TFB1M: variants seen among roughly 807,000 people sequenced by gnomAD.
The protein encoded by TFB1M is dimethyladenosine transferase 1, mitochondrial.
Under a neutral mutation model 31.1 loss-of-function variants are expected in TFB1M, and 27 were observed. The ratio of observed to expected loss-of-function variants is 0.87; its 90% CI spans 0.64 to 1.20. The LOEUF (loss-of-function observed/expected upper bound fraction) is 1.20. TFB1M is among the 50% of genes most tolerant of loss of function. The pLI is 0.00. For synonymous variants in TFB1M, 166 were observed against 151.8 expected, an observed-to-expected ratio of 1.09 and a Z score of -0.69; for missense variants, 394 against 418.7, an observed-to-expected ratio of 0.94 and a Z score of 0.51.
At chr6:155,291,154 G>A (rs1776905929) in intron 4 of TFB1M, among the ~76,000 whole-genome samples, 1 of 152,212 alleles carries the variant, frequency 6.6e-6, no homozygotes, top group African/African-American at 2.4e-5. Context: ...GTCATCTGAA[G>A]TGAGGCGCAG....
downstream of TFB1M, chr6:155,252,091 A>G: frequency 1.9e-6 from 2 of 1,047,052 alleles, no homozygotes; most frequent in Non-Finnish European, 2.8e-6. Flanking sequence ...ACTGAGCACC[A>G]AGGCTGGGCT....
intron 5 of TFB1M, among the ~76,000 whole-genome samples, chr6:155,268,304 G>C (rs1784755287): frequency 6.6e-6 from 1 of 152,090 alleles, no homozygotes; most frequent in Non-Finnish European, 1.5e-5. Context: ...GCCTCTAGTG[G>C]TGGCCTTCAA....
chr6:155,262,356 G>T (rs974787684), intron 5 of TFB1M, among the ~76,000 whole-genome samples: 2 of 152,104 alleles, frequency 1.3e-5, no homozygotes, highest in African/African-American at 4.8e-5. Flanking sequence ...CTCCTGATTT[G>T]TATAGAGAAG....
At chr6:155,276,524 C>A in intron 5 of TFB1M, 2 of 689,644 alleles carry the variant, frequency 2.9e-6, no homozygotes, top group Non-Finnish European at 2.4e-6. Context: ...GTTTAAAATG[C>A]CAATAAAACT....
Position 155,256,404 on chromosome 6 carries a change from T to C in TFB1M, c.*1432A>G. ...TAAAATAAAATCTTAATGTTAAATC[T>C]TACACAAGCTTTGAGGCAAACATTA... On this transcript the variant is annotated 3_prime_UTR_variant, in exon 7 of 7. Coordinates refer to ENST00000367166, the MANE Select transcript of TFB1M (RefSeq NM_016020.4). The C allele has an allele frequency of 1.3e-6, 2 of 1,586,968 alleles. No homozygotes were observed. Among genetic ancestry groups the C allele is most frequent in the South Asian group, 2.3e-5 (2 of 86,270 alleles).
the TFB1M span, among the ~76,000 whole-genome samples, chr6:155,231,431 T>C: frequency 6.6e-6 from 1 of 152,218 alleles, no homozygotes; most frequent in Non-Finnish European, 1.5e-5. Context: ...TTCCCTGGAG[T>C]ATTTAGTGTA....
At chr6:155,300,567 G>A (rs965306198) in intron 2 of TFB1M, among the ~76,000 whole-genome samples, 5 of 151,996 alleles carry the variant, frequency 3.3e-5, no homozygotes, top group African/African-American at 7.2e-5. Flanking sequence ...AAATTAGCAC[G>A]CCAAAAACAA....
chr6:155,272,510 G>A (rs1784972899), intron 5 of TFB1M, among the ~76,000 whole-genome samples: 1 of 151,634 alleles, frequency 6.6e-6, no homozygotes, highest in African/African-American at 2.4e-5. Context: ...TGCCTTCACA[G>A]TATTTCTCTA....
the TFB1M span, chr6:155,232,564 C>T: frequency 6.6e-6 from 1 of 152,198 alleles, no homozygotes; most frequent in African/African-American, 2.4e-5. Flanking sequence ...AGCAGCAGAA[C>T]CCTAGTTCTT....
At chr6:155,302,363 G>A (rs1374312130) in intron 2 of TFB1M, among the ~76,000 whole-genome samples, 1 of 152,070 alleles carries the variant, frequency 6.6e-6, no homozygotes, top group Non-Finnish European at 1.5e-5. Context: ...AGAATCTATA[G>A]TATAAAATAT....
downstream of TFB1M, chr6:155,254,230 A>T (rs1783860117): frequency 1.0e-6 from 1 of 998,150 alleles, no homozygotes; most frequent in Non-Finnish European, 1.5e-6. Flanking sequence ...TGATTAAATA[A>T]ATATCAAAAT....
At chr6:155,267,079 A>C (rs1192860410) in intron 5 of TFB1M, among the ~76,000 whole-genome samples, 1 of 151,148 alleles carries the variant, frequency 6.6e-6, no homozygotes, top group East Asian at 2.0e-4. Flanking sequence ...GGTTCAAGCA[A>C]TTCTCGTGTC....
intron 4 of TFB1M, among the ~76,000 whole-genome samples, chr6:155,287,469 A>G (rs1776714062): frequency 6.6e-6 from 1 of 152,164 alleles, no homozygotes; most frequent in African/African-American, 2.4e-5. Flanking sequence ...TGGAATAAAA[A>G]ATAATCAAGT....
At chr6:155,260,976 G>A (rs909930089) in intron 5 of TFB1M, 1 of 165,920 alleles carries the variant, frequency 6.0e-6, no homozygotes, top group Non-Finnish European at 1.3e-5. Context: ...GACTGAAATT[G>A]AAAATGGAAA....
At chr6:155,312,498 T>C (rs1446653829) in intron 1 of TFB1M, among the ~76,000 whole-genome samples, 2 of 152,180 alleles carry the variant, frequency 1.3e-5, no homozygotes, top group Non-Finnish European at 2.9e-5. Context: ...ACAGGAATGA[T>C]ACATTATGGA....
At chr6:155,254,608 AAAT>A (rs1490112035), downstream of TFB1M, 1 of 1,601,072 alleles carries the variant, frequency 6.2e-7, no homozygotes, top group South Asian at 1.1e-5. Flanking sequence ...TTATTCAACA[AAAT>A]ATTATGAGCT....
the TFB1M span, among the ~76,000 whole-genome samples, chr6:155,234,423 C>T: frequency 1.1e-3 from 173 of 152,358 alleles, no homozygotes; most frequent in African/African-American, 3.8e-3. Flanking sequence ...CATGTGCCAC[C>T]ACAGCCAGCT....
At chr6:155,252,541 T>G (rs535640238), downstream of TFB1M, among the ~76,000 whole-genome samples, 1 of 152,314 alleles carries the variant, frequency 6.6e-6, no homozygotes, top group African/African-American at 2.4e-5. Flanking sequence ...GACTTTTATA[T>G]CCCTGAAAAT....
chr6:155,242,251 G>A, the TFB1M span, among the ~76,000 whole-genome samples: 6 of 152,182 alleles, frequency 3.9e-5, no homozygotes, highest in East Asian at 1.9e-4. Context: ...CAACACCCTC[G>A]GACAAAATAA....
Sources: allele counts gnomAD v4.1 joint callset (sites outside exome capture counted in the v4.1 genomes callset), GRCh38; gene constraint gnomAD v4.1.1; transcripts MANE v1.5; gene names NCBI Gene and HGNC (gene_info 2026-07-23, HGNC 2026-07-21).